The following NEK5 variants were observed in gnomAD, a reference collection of about 807,000 sequenced individuals.
NEK5 encodes the protein serine/threonine-protein kinase Nek5.
A neutral mutation model predicts 109.2 loss-of-function variants in NEK5; 88 were observed. The observed-to-expected ratio is 0.81, with a 90% CI of 0.68 to 0.96. The LOEUF (loss-of-function observed/expected upper bound fraction) is 0.96, where lower values mean the gene tolerates loss of function less well. Ranked by LOEUF, NEK5 falls within the 40% of genes least tolerant of loss-of-function variation. NEK5 has a pLI of 0.00. For missense variants in NEK5, 834 were observed against 920.7 expected (o/e 0.91, Z 1.22); for synonymous variants, 283 against 299.9 (o/e 0.94, Z 0.58).
intron 17 of NEK5, among the ~76,000 whole-genome samples, chr13:52,080,234 G>A (rs1271811735): frequency 3.6e-5 from 5 of 138,430 alleles, no homozygotes; most frequent in Non-Finnish European, 4.9e-5. Context: ...TCAGCCCCCC[G>A]CCCGGCCAGC....
chr13:52,063,291 T>C (rs989514410), intron 21 of NEK5, among the ~76,000 whole-genome samples: 1 of 152,212 alleles, frequency 6.6e-6, no homozygotes, highest in Non-Finnish European at 1.5e-5. Context: ...GCCGGGCTGG[T>C]CTCCAGCTCC....
At chr13:52,066,225 CT>C (rs1283245835) in intron 20 of NEK5, among the ~76,000 whole-genome samples, 4 of 152,060 alleles carry the variant, frequency 2.6e-5, no homozygotes, top group Non-Finnish European at 5.9e-5. Flanking sequence ...TCATAATATT[CT>C]GCTTTATGAA....
chr13:52,043,462 C>T (rs1159496703), intron 23 of NEK5, among the ~76,000 whole-genome samples: 1 of 145,224 alleles, frequency 6.9e-6, no homozygotes, highest in Non-Finnish European at 1.5e-5. Context: ...GCTTGAACCC[C>T]GGAGGCAGAG....
chr13:52,052,007 T>C (rs930188763), intron 22 of NEK5, among the ~76,000 whole-genome samples: 2 of 152,176 alleles, frequency 1.3e-5, no homozygotes, highest in Non-Finnish European at 2.9e-5. Flanking sequence ...CCAGACTAAA[T>C]TGTGTATTCA....
At chr13:52,098,046 C>G (rs772263117) in intron 12 of NEK5, among the ~76,000 whole-genome samples, 38 of 152,256 alleles carry the variant, frequency 2.5e-4, no homozygotes, top group Non-Finnish European at 4.9e-4. Context: ...CCTGCTTCCC[C>G]TTCTGCCATG....
At chr13:52,075,907 T>C in intron 18 of NEK5, 81 bp from the exon 19 acceptor site, 2 of 1,014,874 alleles carry the variant, frequency 2.0e-6, no homozygotes, top group African/African-American at 3.3e-5. Context: ...TCAATTTTGT[T>C]TGACATTATA....
chr13:52,112,498 G>A (rs1330109498), intron 4 of NEK5, 133 bp from the exon 5 acceptor site: 3 of 565,288 alleles, frequency 5.3e-6, no homozygotes, highest in Non-Finnish European at 9.4e-6. Flanking sequence ...GTGACTCTGG[G>A]CAAGTCACTT....
At position 52,102,258 on chromosome 13, in the gene NEK5, T is replaced by C; in HGVS notation, c.644A>G (p.Lys215Arg). The change falls in exon 10 of 24, where the codon AAG becomes AGG. Residue 215 changes from lysine (K) to arginine (R), a missense_variant. By Grantham distance (26) the Lys-to-Arg change is conservative (BLOSUM62 2). Around this residue, in one of 2 missense-constraint regions of NEK5, gnomAD observed 777 missense variants for 824.7 expected, o/e 0.94. Coordinates refer to ENST00000684899, the MANE Select transcript of NEK5 (RefSeq NM_001365552.1). Reference protein sequence around the residue: ...EGNNLQQLVLKICQAHFAPIS... With the variant: ...EGNNLQQLVLRICQAHFAPIS... Reference sequence around the variant, plus strand: ...TGGGGCAAAATGTGCTTGACAAATCTTCAGAACCAGCTGCTGTAAGTTGTT... The same window carrying C: ...TGGGGCAAAATGTGCTTGACAAATCCTCAGAACCAGCTGCTGTAAGTTGTT... The C allele has an allele frequency of 6.2e-7, 1 of 1,614,132 alleles. No individual in the cohort carries two copies. Among genetic ancestry groups the C allele is most frequent in the African/African-American group, 1.3e-5 (1 of 75,048 alleles).
chr13:52,099,704 A>G (rs1295437200), intron 12 of NEK5, 39 bp downstream of exon 12: 6 of 1,601,058 alleles, frequency 3.7e-6, no homozygotes, highest in Middle Eastern at 1.7e-4. Flanking sequence ...AGCATATACC[A>G]TAGCTAAAAA....
intron 5 of NEK5, among the ~76,000 whole-genome samples, chr13:52,111,354 A>G (rs180960369): frequency 1.3e-5 from 2 of 152,310 alleles, no homozygotes; most frequent in African/African-American, 4.8e-5. Context: ...TTGTCATGAG[A>G]AGCATTTTTA....
chr13:52,068,947 G>C (rs1446310352), intron 20 of NEK5, among the ~76,000 whole-genome samples: 3 of 150,962 alleles, frequency 2.0e-5, no homozygotes, highest in Non-Finnish European at 3.0e-5. Flanking sequence ...CTCCAGCCTG[G>C]GCGACAGAGG....
At chr13:52,042,222 C>T (rs535554989) in intron 23 of NEK5, among the ~76,000 whole-genome samples, 1 of 151,608 alleles carries the variant, frequency 6.6e-6, no homozygotes, top group Admixed American at 6.6e-5. Context: ...TTACTACTCA[C>T]TGACATATCA....
chr13:52,077,905 T>C (rs1387342224), intron 17 of NEK5, among the ~76,000 whole-genome samples: 2 of 151,922 alleles, frequency 1.3e-5, no homozygotes, highest in Admixed American at 6.6e-5. Flanking sequence ...TGAAACCCTG[T>C]CTCTATTAAA....
chr13:52,055,989 A>T (rs1954551197), intron 22 of NEK5, among the ~76,000 whole-genome samples: 2 of 152,138 alleles, frequency 1.3e-5, no homozygotes, highest in Admixed American at 6.5e-5. Context: ...TCCAATTAAA[A>T]GACACAGACT....
At chr13:52,115,601 CAAAAAAAAAAAAAA>C (rs71088014) in intron 4 of NEK5, among the ~76,000 whole-genome samples, 4 of 49,188 alleles carry the variant, frequency 8.1e-5, no homozygotes, top group African/African-American at 3.1e-4. Flanking sequence ...GAGACTCCGT[CAAAAAAAAAAAAAA>C]AAAAAAAAAA....
chr13:52,080,340 A>T (rs1417990110), intron 17 of NEK5, among the ~76,000 whole-genome samples: 1 of 139,906 alleles, frequency 7.1e-6, no homozygotes. Flanking sequence ...GGCCGCCCCT[A>T]CTGGGAAGTG....
At chr13:52,049,329 T>C (rs2140906854) in intron 23 of NEK5, among the ~76,000 whole-genome samples, 1 of 151,832 alleles carries the variant, frequency 6.6e-6, no homozygotes, top group East Asian at 1.9e-4. Context: ...GAGGCTGAGG[T>C]GGGAGGATTG....
intron 7 of NEK5, among the ~76,000 whole-genome samples, chr13:52,109,904 A>G (rs748268377): frequency 2.6e-5 from 4 of 152,170 alleles, no homozygotes; most frequent in African/African-American, 9.7e-5. Flanking sequence ...GTACAAAACC[A>G]GGTTGTAGAC....
intron 3 of NEK5, among the ~76,000 whole-genome samples, chr13:52,123,101 G>T (rs904078064): frequency 1.3e-5 from 2 of 152,114 alleles, no homozygotes; most frequent in Non-Finnish European, 2.9e-5. Context: ...TTAGTTCTGG[G>T]GTCTAGTGTA....
Sources: gnomAD v4.1 joint callset for allele counts (sites outside exome capture counted in the v4.1 genomes callset) on GRCh38, gnomAD v4.1.1 for gene constraint, gnomAD v4.1.1 regional missense constraint, MANE v1.5 for transcripts, NCBI Gene and HGNC (gene_info 2026-07-23, HGNC 2026-07-21) for gene names.